The following COA8 variants were observed in gnomAD, a reference collection of about 807,000 sequenced individuals.
The protein encoded by COA8 is UPF0671 protein C14orf153.
Under a neutral mutation model 22.0 loss-of-function variants are expected in COA8, and 20 were observed. The ratio of observed to expected loss-of-function variants is 0.91; its 90% CI spans 0.64 to 1.32. COA8 has a LOEUF of 1.32. COA8 is among the 40% of genes most tolerant of loss of function. The pLI is 0.00. For missense variants in COA8, 266 were observed against 230.0 expected, an observed-to-expected ratio of 1.16 and a Z score of -1.01; for synonymous variants, 105 against 79.9, an observed-to-expected ratio of 1.31 and a Z score of -1.68.
At chr14:103,580,986 G>T (rs947751989) in intron 3 of COA8, among the ~76,000 whole-genome samples, 14 of 151,756 alleles carry the variant, frequency 9.2e-5, no homozygotes, top group Non-Finnish European at 1.8e-4. Context: ...TTTTAGTAGG[G>T]ATGGAGTTTC....
In COA8 at chr14:103,571,507, C is replaced by T. The variant is rs559651294; in HGVS notation, c.124-116C>T. 4.8e-6 allele frequency: 5 copies of T among 1,038,222 alleles called. No homozygotes were observed. In the East Asian group the frequency reaches 1.3e-4, roughly 26 times the overall value. The allele number at this position is 1,038,222 out of a possible 1,614,324, so 64.3% of individuals were successfully genotyped here. On this transcript the variant is annotated intron_variant, in intron 1 of 4. Transcript: ENST00000409074. ...TGGCTGAGATCACGCCACTACACTCCAGTCTGGCAACAGAGCGAGACTCCG... is the reference window on the plus strand; with the variant it reads ...TGGCTGAGATCACGCCACTACACTCTAGTCTGGCAACAGAGCGAGACTCCG...
At chr14:103,575,887 G>A (rs1216256015) in intron 3 of COA8, among the ~76,000 whole-genome samples, 1 of 152,088 alleles carries the variant, frequency 6.6e-6, no homozygotes, top group African/African-American at 2.4e-5. Flanking sequence ...GTTTTTTGTA[G>A]AGACGGAGTT....
intron 1 of COA8, among the ~76,000 whole-genome samples, chr14:103,568,477 A>G (rs1245934685): frequency 1.3e-5 from 2 of 151,876 alleles, no homozygotes; most frequent in Admixed American, 1.3e-4. Context: ...ACACACACAC[A>G]TATATACACA....
chr14:103,577,234 T>C (rs2076236170), intron 3 of COA8, among the ~76,000 whole-genome samples: 1 of 151,446 alleles, frequency 6.6e-6, no homozygotes, highest in Non-Finnish European at 1.5e-5. Flanking sequence ...CACACCTGGC[T>C]AATTTGTGTG....
chr14:103,565,325 TCC>T (rs2076128123), intron 1 of COA8, among the ~76,000 whole-genome samples: 1 of 152,042 alleles, frequency 6.6e-6, no homozygotes. Context: ...TCCTTCCAAA[TCC>T]ATCTTTAAAA....
At chr14:103,583,711 A>G (rs983663080) in intron 3 of COA8, among the ~76,000 whole-genome samples, 1 of 152,108 alleles carries the variant, frequency 6.6e-6, no homozygotes. Flanking sequence ...GCCACAGGTT[A>G]AAGACCCAGT....
At chr14:103,570,901 G>A (rs1595138572) in intron 1 of COA8, among the ~76,000 whole-genome samples, 1 of 152,340 alleles carries the variant, frequency 6.6e-6, no homozygotes, top group Admixed American at 6.5e-5. Flanking sequence ...TGGTCTGGGT[G>A]CAATCACAGG....
chr14:103,567,140 A>C (rs946071483), intron 1 of COA8, among the ~76,000 whole-genome samples: 3 of 152,276 alleles, frequency 2.0e-5, no homozygotes, highest in Admixed American at 1.3e-4. Flanking sequence ...TGGAAGGCCG[A>C]GGCAGGTGGA....
intron 3 of COA8, chr14:103,574,444 G>T: frequency 1.7e-6 from 1 of 601,854 alleles, no homozygotes; most frequent in Non-Finnish European, 3.1e-6. Context: ...TGAGGTCTCA[G>T]CCTTTGCAGC....
chr14:103,572,209 A>G (rs2076193482), intron 2 of COA8, among the ~76,000 whole-genome samples: 1 of 152,082 alleles, frequency 6.6e-6, no homozygotes, highest in African/African-American at 2.4e-5. Context: ...TGTTTAGTAT[A>G]TTGCTTTGCT....
At chr14:103,573,125 A>G (rs149510169) in intron 2 of COA8, among the ~76,000 whole-genome samples, 7 of 152,266 alleles carry the variant, frequency 4.6e-5, no homozygotes, top group African/African-American at 1.4e-4. Context: ...TAAACTGTGT[A>G]AGAAAGAAGT....
intron 3 of COA8, among the ~76,000 whole-genome samples, chr14:103,584,150 C>T (rs768772924): frequency 6.6e-6 from 1 of 152,150 alleles, no homozygotes; most frequent in South Asian, 2.1e-4. Context: ...AACCCTCCCT[C>T]GGCCCCACAA....
intron 3 of COA8, among the ~76,000 whole-genome samples, chr14:103,583,658 T>C (rs2076284846): frequency 6.6e-6 from 1 of 151,936 alleles, no homozygotes; most frequent in Admixed American, 6.6e-5. Flanking sequence ...GTCCAGCAAT[T>C]CAGTTCAATT....
intron 3 of COA8, among the ~76,000 whole-genome samples, chr14:103,575,547 G>A (rs2142289906): frequency 6.6e-6 from 1 of 152,298 alleles, no homozygotes; most frequent in African/African-American, 2.4e-5. Flanking sequence ...TTGCACCAAT[G>A]CGTGAGGATG....
chr14:103,580,471 C>T (rs1445390278), intron 3 of COA8, among the ~76,000 whole-genome samples: 2 of 151,460 alleles, frequency 1.3e-5, no homozygotes, highest in African/African-American at 2.4e-5. Flanking sequence ...CCATACCCAG[C>T]TAATTTTTGT....
intron 3 of COA8, 23 bp downstream of exon 3, chr14:103,574,193 T>C: frequency 6.2e-7 from 1 of 1,613,354 alleles, no homozygotes; most frequent in African/African-American, 1.3e-5. Flanking sequence ...GTTTGATTGT[T>C]TTTTTTGCTT....
chr14:103,584,330 C>G (rs935834999), intron 3 of COA8, among the ~76,000 whole-genome samples: 1 of 152,146 alleles, frequency 6.6e-6, no homozygotes, highest in Admixed American at 6.6e-5. Flanking sequence ...TCAATCTCTA[C>G]TCCCTCTCCT....
intron 3 of COA8, among the ~76,000 whole-genome samples, chr14:103,575,634 A>C (rs946342097): frequency 9.2e-5 from 14 of 152,174 alleles, no homozygotes; most frequent in Non-Finnish European, 1.5e-5. Flanking sequence ...CAAAAGAACA[A>C]ATTTAGATTC....
At chr14:103,565,622 T>C (rs1018597973) in intron 1 of COA8, among the ~76,000 whole-genome samples, 1 of 151,344 alleles carries the variant, frequency 6.6e-6, no homozygotes, top group Non-Finnish European at 1.5e-5. Flanking sequence ...TTTTTAATTT[T>C]TTTTTTTTTT....
Sources: allele counts gnomAD v4.1 joint callset (sites outside exome capture counted in the v4.1 genomes callset), GRCh38; gene constraint gnomAD v4.1.1; transcripts MANE v1.5; gene names NCBI Gene and HGNC (gene_info 2026-07-23, HGNC 2026-07-21).